The following USP37 variants were observed in gnomAD, a reference collection of about 807,000 sequenced individuals.
USP37 encodes ubiquitin specific peptidase 37.
In USP37, 27 loss-of-function variants were observed where a neutral mutation model predicts 124.0. The observed-to-expected ratio is 0.22, with a 90% CI of 0.16 to 0.30. The LOEUF is 0.30. USP37 is among the 10% of genes least tolerant of loss of function. The pLI is 1.00. For synonymous variants in USP37, 365 were observed against 388.0 expected (o/e 0.94, Z 0.70); for missense variants, 889 against 1,140.4 (o/e 0.78, Z 3.17).
intron 14 of USP37, among the ~76,000 whole-genome samples, chr2:218,489,059 C>T (rs539924370): frequency 6.6e-6 from 1 of 151,982 alleles, no homozygotes; most frequent in Non-Finnish European, 1.5e-5. Flanking sequence ...TTCATTACCA[C>T]TCAAATCAAG....
intron 10 of USP37, among the ~76,000 whole-genome samples, chr2:218,515,721 T>C (rs1245121354): frequency 6.6e-6 from 1 of 152,130 alleles, no homozygotes; most frequent in African/African-American, 2.4e-5. Flanking sequence ...CTAAAGAGTT[T>C]CTGCACAGCA....
chr2:218,472,643 T>C (rs1389923608), intron 20 of USP37, among the ~76,000 whole-genome samples: 1 of 152,062 alleles, frequency 6.6e-6, no homozygotes, highest in East Asian at 1.9e-4. Flanking sequence ...ATTTTGTATT[T>C]TTGGTAGAGA....
intron 24 of USP37, among the ~76,000 whole-genome samples, chr2:218,455,999 T>A (rs925772437): frequency 6.6e-6 from 1 of 151,984 alleles, no homozygotes; most frequent in South Asian, 2.1e-4. Context: ...TGAACCGAGA[T>A]AGCACCACTG....
At chr2:218,536,017 C>CAAAAAAAA (rs59248363) in intron 8 of USP37, among the ~76,000 whole-genome samples, 4 of 80,824 alleles carry the variant, frequency 4.9e-5, no homozygotes, top group Admixed American at 1.8e-4. Context: ...GACTTCATCT[C>CAAAAAAAA]AAAAAAAAAA....
chr2:218,484,051 C>T (rs1327603501), intron 16 of USP37, among the ~76,000 whole-genome samples: 1 of 151,906 alleles, frequency 6.6e-6, no homozygotes, highest in Non-Finnish European at 1.5e-5. Context: ...CCCAGCTACT[C>T]AGGAGGCTGA....
chr2:218,557,683 C>A (rs1306819839), intron 4 of USP37, among the ~76,000 whole-genome samples: 1 of 145,420 alleles, frequency 6.9e-6, no homozygotes, highest in East Asian at 2.0e-4. Context: ...AATCCCAGCA[C>A]TTTGGGAGGC....
chr2:218,558,722 G>A, intron 3 of USP37, 45 bp from the exon 4 acceptor site: 5 of 1,400,248 alleles, frequency 3.6e-6, no homozygotes, highest in Non-Finnish European at 4.8e-6. Context: ...CAGGTTCTAA[G>A]GAAGAAAAAT....
At chr2:218,550,145 A>G (rs557094961) in intron 5 of USP37, among the ~76,000 whole-genome samples, 1 of 152,240 alleles carries the variant, frequency 6.6e-6, no homozygotes, top group Non-Finnish European at 1.5e-5. Flanking sequence ...ATACCTGAAA[A>G]CATTTAATAG....
At position 218,455,708 on chromosome 2, in the gene USP37, A is replaced by G. The variant is rs1192045940; in HGVS notation, c.2724T>C (p.Ile908=). 5.6e-6 allele frequency: 9 copies of G among 1,612,280 alleles called. No homozygotes were observed. Among genetic ancestry groups the G allele is most frequent in the Admixed American group, 1.7e-5 (1 of 59,510 alleles). Residue 908 remains isoleucine, a synonymous_variant, in exon 25 of 26, where the codon ATT becomes ATC. Transcript: ENST00000258399. ...IGSTSSSGHY[I]SDVYDIKKQA... is the part of the protein sequence containing the mutation. The stretch of plus-strand genomic sequence containing the variant: ...GCTTCTTAATGTCATATACATCACT[A>G]ATGTAATGACCTGAAACAAATAACA...
chr2:218,511,537 T>TG (rs1689996708), intron 10 of USP37, among the ~76,000 whole-genome samples: 1 of 152,124 alleles, frequency 6.6e-6, no homozygotes, highest in African/African-American at 2.4e-5. Flanking sequence ...CTCGAACTCC[T>TG]GACCTCAGGT....
chr2:218,545,612 A>G (rs1391006495), intron 8 of USP37, among the ~76,000 whole-genome samples: 1 of 152,130 alleles, frequency 6.6e-6, no homozygotes, highest in African/African-American at 2.4e-5. Context: ...CTGTCTACCA[A>G]CTGATTCTGT....
At chr2:218,548,380 A>G (rs1692485913) in intron 6 of USP37, among the ~76,000 whole-genome samples, 1 of 147,930 alleles carries the variant, frequency 6.8e-6, no homozygotes, top group East Asian at 1.9e-4. Context: ...TTACTCTGTC[A>G]ACCAGGCTGG....
intron 15 of USP37, among the ~76,000 whole-genome samples, chr2:218,487,201 G>A (rs140217821): frequency 4.9e-4 from 74 of 152,144 alleles, no homozygotes; most frequent in African/African-American, 1.4e-3. Context: ...TATCTGTAAC[G>A]GTATATCACA....
chr2:218,487,462 C>G (rs1691638876), intron 15 of USP37, among the ~76,000 whole-genome samples: 1 of 151,958 alleles, frequency 6.6e-6, no homozygotes, highest in South Asian at 2.1e-4. Context: ...CGTTCTGTCG[C>G]CAGGCTGGAG....
intron 17 of USP37, among the ~76,000 whole-genome samples, chr2:218,481,683 C>CTTTTT (rs71403043): frequency 6.5e-4 from 87 of 134,392 alleles, no homozygotes; most frequent in Non-Finnish European, 8.4e-4. Context: ...CTTTTCTTTT[C>CTTTTT]TTTTTTTTTT....
rs1436442516 is a variant in USP37, at chr2:218,451,867, G to C, written c.*3063C>G. 6.6e-6 allele frequency: 1 copy of C among 152,626 alleles called. No homozygotes were observed. The highest frequency in any genetic ancestry group is 1.9e-4 in the East Asian group (1 of 5,196). 9.5% of individuals were successfully genotyped at this position (152,626 alleles called of 1,614,324 possible). ...GCCCAGAATGAACAGACCATAGCAA[G>C]TAAACAAATAATTTTTAGAATCAAA... is the stretch of plus-strand genomic sequence containing the variant. On this transcript the variant is annotated 3_prime_UTR_variant, in exon 26 of 26. Transcript: ENST00000258399.
At chr2:218,547,802 G>A (rs954197796) in intron 6 of USP37, among the ~76,000 whole-genome samples, 2 of 152,242 alleles carry the variant, frequency 1.3e-5, no homozygotes, top group South Asian at 4.1e-4. Context: ...GAAAAGGAAG[G>A]TGAGATAGAG....
At chr2:218,509,393 TTA>T (rs1491429456) in intron 11 of USP37, among the ~76,000 whole-genome samples, 2 of 151,740 alleles carry the variant, frequency 1.3e-5, no homozygotes, top group East Asian at 3.9e-4. Flanking sequence ...GATTTAAAAT[TTA>T]AAAAAAATCA....
chr2:218,538,363 G>A (rs1691774598), intron 8 of USP37, among the ~76,000 whole-genome samples: 1 of 152,186 alleles, frequency 6.6e-6, no homozygotes, highest in Non-Finnish European at 1.5e-5. Flanking sequence ...GAACGAGCAA[G>A]CCTGGAAGAT....
Sources: allele counts gnomAD v4.1 joint callset (sites outside exome capture counted in the v4.1 genomes callset), GRCh38; gene constraint gnomAD v4.1.1; transcripts MANE v1.5; gene names NCBI Gene and HGNC (gene_info 2026-07-23, HGNC 2026-07-21).